Variants in PIEZO1 observed in about 807,000 individuals in gnomAD.
PIEZO1 encodes piezo type mechanosensitive ion channel component 1 (Er blood group).
A neutral mutation model predicts 297.2 loss-of-function variants in PIEZO1; 296 were observed. That is an observed-to-expected ratio of 1.00 (90% CI 0.91 to 1.10). The LOEUF (loss-of-function observed/expected upper bound fraction) is 1.10, where lower values mean the gene tolerates loss of function less well. PIEZO1 is among the 50% of genes least tolerant of loss of function. The pLI is 0.00. For synonymous variants in PIEZO1, 2,427 were observed against 1,507.5 expected (o/e 1.61, Z -14.13); for missense variants, 5,018 against 3,455.5 (o/e 1.45, Z -11.34).
chr16:88,738,317 C>T lies in PIEZO1; in HGVS notation c.758G>A (p.Gly253Glu). 1.3e-6 allele frequency: 2 copies of T among 1,535,832 alleles called. No homozygotes were observed. Among genetic ancestry groups the T allele is most frequent in the Non-Finnish European group, 1.7e-6 (2 of 1,146,800 alleles). ...RGFSRLCVAV[G>E]CFGAGHLICL... ...GATGAGATGGCCGGCGCCGAAGCAC[C>T]CCACCGCGACGCAGAGTCTGCTGAA... The change falls in exon 7 of 51, where the codon GGG becomes GAG. Residue 253 changes from glycine (G) to glutamate (E), a missense_variant. Coordinates refer to ENST00000301015, the MANE Select transcript of PIEZO1 (RefSeq NM_001142864.4).
chr16:88,770,881 G>C (rs958603111), intron 1 of PIEZO1, among the ~76,000 whole-genome samples: 1 of 152,252 alleles, frequency 6.6e-6, no homozygotes, highest in African/African-American at 2.4e-5. Context: ...GGTGCCCTGG[G>C]GGCTTGGGCG....
intron 19 of PIEZO1, 137 bp from the exon 20 acceptor site, chr16:88,732,869 G>A (rs1256571547): frequency 1.1e-6 from 1 of 875,674 alleles, no homozygotes; most frequent in Admixed American, 2.9e-5. Flanking sequence ...CAGCCTTGGA[G>A]CCACCTTCAC....
At chr16:88,725,762 G>A (rs1904379462) in intron 27 of PIEZO1, 78 bp from the exon 28 acceptor site, 1 of 769,242 alleles carries the variant, frequency 1.3e-6, no homozygotes, top group Non-Finnish European at 2.2e-6. Context: ...TCCCCGCTCA[G>A]CCCGGGACAG....
At chr16:88,750,824 G>A (rs1370172273) in intron 1 of PIEZO1, among the ~76,000 whole-genome samples, 5 of 152,118 alleles carry the variant, frequency 3.3e-5, no homozygotes, top group African/African-American at 1.2e-4. Context: ...CCTAAGGGGC[G>A]CCAGCAGCCC....
In PIEZO1 at chr16:88,726,395, A is replaced by C. The variant is rs1179170399; in HGVS notation, c.3857T>G (p.Ile1286Ser). Reference protein sequence around the residue: ...CLLPVEEAGIIWDSVCFFFLL... With the variant: ...CLLPVEEAGISWDSVCFFFLL... The stretch of plus-strand genomic sequence containing the variant: ...GAAGAAGAAGCAGACGCTGTCCCAG[A>C]TGATGCCAGCCTCCTCCACAGGCAG... Residue 1286 changes from isoleucine (I) to serine (S), a missense_variant, in exon 27 of 51, where the codon ATC becomes AGC. By Grantham distance (142) the Ile-to-Ser change is moderately radical (BLOSUM62 -2). Coordinates refer to ENST00000301015, the MANE Select transcript of PIEZO1 (RefSeq NM_001142864.4). 1.9e-6 allele frequency: 3 copies of C among 1,550,496 alleles called. No homozygotes were observed. The highest frequency in any genetic ancestry group is 2.6e-6 in the Non-Finnish European group (3 of 1,146,920).
chr16:88,780,384 G>A (rs1017493947), intron 1 of PIEZO1, among the ~76,000 whole-genome samples: 9 of 140,698 alleles, frequency 6.4e-5, no homozygotes, highest in African/African-American at 2.1e-4. Context: ...GAGGATGTGG[G>A]TGGGGGTAGG....
chr16:88,727,647 A>T lies in PIEZO1; in HGVS notation c.3211T>A (p.Trp1071Arg). 2.0e-6 allele frequency: 3 copies of T among 1,478,426 alleles called. No homozygotes were observed. The highest frequency in any genetic ancestry group is 2.7e-6 in the Non-Finnish European group (3 of 1,103,010). 91.6% of individuals were successfully genotyped at this position (1,478,426 alleles called of 1,614,324 possible). A position where few individuals can be genotyped will look rare whatever the true frequency, so the allele number is the denominator to read the frequency against. The stretch of plus-strand genomic sequence containing the variant: ...GAGTTCATGGGGACGGCCCGGCTCC[A>T]GCGCCAGGGATAATCTGGGGGAAGG... ...PALCIDYPWR[W>R]SRAVPMNSAL... Residue 1071 changes from tryptophan to arginine, a missense_variant, in exon 23 of 51, where the codon TGG becomes AGG. By Grantham distance (101) the Trp-to-Arg change is moderately radical (BLOSUM62 -3). Coordinates refer to ENST00000301015, the MANE Select transcript of PIEZO1 (RefSeq NM_001142864.4).
At position 88,726,343 on chromosome 16, in the gene PIEZO1, A is replaced by G; in HGVS notation, c.3909T>C (p.Leu1303=). The G allele has an allele frequency of 6.5e-7, 1 of 1,550,370 alleles. No homozygotes were observed. The highest frequency in any genetic ancestry group is 8.7e-7 in the Non-Finnish European group (1 of 1,146,918). Residue 1303 remains leucine, a synonymous_variant, in exon 27 of 51, where the codon CTT becomes CTC. Transcript: ENST00000301015. ...CCCTGACGTGCAGGTAGTAATGGCT[A>G]AGGAAGACGCGGCGCTGCAGCAGCA... is the stretch of plus-strand genomic sequence containing the variant. The part of the protein sequence containing the change: ...FFLLLQRRVF[L]SHYYLHVRAD...
intron 1 of PIEZO1, among the ~76,000 whole-genome samples, chr16:88,775,968 A>G (rs922458229): frequency 5.3e-5 from 8 of 152,156 alleles, no homozygotes; most frequent in African/African-American, 1.9e-4. Flanking sequence ...AAGCCACGGG[A>G]GGCGCCAACC....
chr16:88,715,968 G>T lies in PIEZO1; in HGVS notation c.7281C>A (p.Val2427=). 6.5e-7 allele frequency: 1 copy of T among 1,550,092 alleles called. No individual in the cohort carries two copies. Among genetic ancestry groups the T allele is most frequent in the African/African-American group, 1.4e-5 (1 of 73,144 alleles). Residue 2427 remains valine (V), a synonymous_variant, in exon 50 of 51, where the codon GTC becomes GTA. Coordinates refer to ENST00000301015, the MANE Select transcript of PIEZO1 (RefSeq NM_001142864.4). ...CCAGGAAGCCGAGGCTCGGTGGGCT[G>T]ACCTTGTCACTGAAAATGACCATGG... The part of the protein sequence containing the change: ...LLPMVIFSDK[V]SPPSLGFLAG...
chr16:88,754,820 G>A (rs1232579988), intron 1 of PIEZO1, among the ~76,000 whole-genome samples: 2 of 152,236 alleles, frequency 1.3e-5, no homozygotes, highest in Non-Finnish European at 2.9e-5. Context: ...ACACGGGTGG[G>A]TGACCCGGGA....
chr16:88,742,952 T>C (rs766867375), intron 2 of PIEZO1: 4 of 400,386 alleles, frequency 1.0e-5, no homozygotes, highest in South Asian at 7.1e-5. Context: ...AAGGAGAAGT[T>C]GCATCCCGAT....
At chr16:88,763,938 G>A (rs965632273) in intron 1 of PIEZO1, among the ~76,000 whole-genome samples, 1 of 152,204 alleles carries the variant, frequency 6.6e-6, no homozygotes, top group Non-Finnish European at 1.5e-5. Context: ...CCTGCACACA[G>A]GGTCGGCACG....
intron 1 of PIEZO1, among the ~76,000 whole-genome samples, chr16:88,769,435 G>A (rs111590774): frequency 0.015 from 2,302 of 152,258 alleles, 33 homozygotes; most frequent in Middle Eastern, 0.037. Flanking sequence ...TTTAGATTTC[G>A]GACTTGGGGA....
At position 88,732,384 on chromosome 16, in the gene PIEZO1, C is replaced by T. The variant is rs1216285611; in HGVS notation, c.2942G>A (p.Gly981Asp). 6.5e-6 allele frequency: 10 copies of T among 1,549,782 alleles called. No individual in the cohort carries two copies. The highest frequency in any genetic ancestry group is 2.0e-5 in the Admixed American group (1 of 50,988). The stretch of plus-strand genomic sequence containing the variant: ...GAAGTTGATGAAGTACTTGAGGCAG[C>T]CGAGCAGATCCTGGTCCAGCTGCTG... ...TRQQLDQDLL[G>D]CLKYFINFFF... The change falls in exon 21 of 51, where the codon GGC becomes GAC. Residue 981 changes from glycine (G) to aspartate (D), a missense_variant. By Grantham distance (94) the Gly-to-Asp change is moderately conservative. Coordinates refer to ENST00000301015, the MANE Select transcript of PIEZO1 (RefSeq NM_001142864.4).
rs1905406370 is a variant in PIEZO1 at position 88,738,451 on chromosome 16, G to C, written c.635-11C>G. On this transcript the variant is annotated splice_polypyrimidine_tract_variant and intron_variant, in intron 6 of 50. Coordinates refer to ENST00000301015, the MANE Select transcript of PIEZO1 (RefSeq NM_001142864.4). Reference sequence around the variant, plus strand: ...AGGGGTGGGCGATGCCTGCGGGGCAGGGGCACACAGGGTGGTACCTGGCCA... The same window carrying C: ...AGGGGTGGGCGATGCCTGCGGGGCACGGGCACACAGGGTGGTACCTGGCCA... The C allele has an allele frequency of 2.0e-6, 3 of 1,534,530 alleles. No individual in the cohort carries two copies. Among genetic ancestry groups the C allele is most frequent in the Middle Eastern group, 1.7e-4 (1 of 5,926 alleles).
In PIEZO1 at chr16:88,725,089, G is replaced by A. The variant is rs1365150383; in HGVS notation, c.4163-9C>T. On this transcript the variant is annotated splice_polypyrimidine_tract_variant and intron_variant, in intron 29 of 50. Coordinates refer to ENST00000301015, the MANE Select transcript of PIEZO1 (RefSeq NM_001142864.4). The stretch of plus-strand genomic sequence containing the variant: ...CCCTGGACTGTCGGGCCCTGTGGAG[G>A]GGCAGGGTGAGCATGAGGCAGCAGT... 3.3e-6 allele frequency: 5 copies of A among 1,506,914 alleles called. No individual in the cohort carries two copies. In the Admixed American group the frequency reaches 9.8e-5, roughly 29 times the overall value. The allele number at this position is 1,506,914 out of a possible 1,614,324, so 93.3% of individuals were successfully genotyped here.
intron 23 of PIEZO1, 127 bp downstream of exon 23, chr16:88,727,430 C>T (rs1385211441): frequency 7.8e-6 from 5 of 643,802 alleles, no homozygotes; most frequent in Non-Finnish European, 1.3e-5. Flanking sequence ...TCAGGGCCTG[C>T]AGGCCGCCAT....
rs1325718370 is a variant in PIEZO1 at position 88,716,378 on chromosome 16, G to A, written c.7032C>T (p.Gly2344=). Residue 2344 remains glycine, a synonymous_variant, in exon 48 of 51, where the codon GGC becomes GGT. Coordinates refer to ENST00000301015, the MANE Select transcript of PIEZO1 (RefSeq NM_001142864.4). The stretch of plus-strand genomic sequence containing the variant: ...TCACTCACACAGACTGGTCCGAGGT[G>A]CCCTCGAGCAGGCTGGCCAGCTGCC... ...ARRQLASLLE[G]TSDQSVVIPN... The A allele has an allele frequency of 3.9e-6, 6 of 1,544,358 alleles. No individual in the cohort carries two copies. The highest frequency in any genetic ancestry group is 1.2e-5 in the South Asian group (1 of 83,330).
Sources: allele counts gnomAD v4.1 joint callset (sites outside exome capture counted in the v4.1 genomes callset), GRCh38; gene constraint gnomAD v4.1.1; transcripts MANE v1.5; gene names NCBI Gene and HGNC (gene_info 2026-07-23, HGNC 2026-07-21).